The following SREBF2 variants were observed in gnomAD, a reference collection of about 807,000 sequenced individuals.
SREBF2 encodes the protein sterol regulatory element-binding protein 2.
In SREBF2, 55 loss-of-function variants were observed where a neutral mutation model predicts 113.1. That is an observed-to-expected ratio of 0.49 (90% CI 0.39 to 0.61). SREBF2 has a LOEUF of 0.61. Ranked by LOEUF, SREBF2 falls within the 20% of genes least tolerant of loss-of-function variation. The pLI, the probability that SREBF2 is intolerant of heterozygous loss-of-function variation, is 0.00. For missense variants in SREBF2, 1,349 were observed against 1,487.4 expected (o/e 0.91, Z 1.53); for synonymous variants, 593 against 605.7 (o/e 0.98, Z 0.31).
At chr22:41,900,254 A>G (rs2077453700) in intron 15 of SREBF2, 76 bp from the exon 16 acceptor site, 2 of 1,585,152 alleles carry the variant, frequency 1.3e-6, no homozygotes, top group Admixed American at 1.7e-5. Context: ...CGTGGCAGTC[A>G]CTGGCTTGGG....
intron 11 of SREBF2, chr22:41,885,964 C>T (rs2077295458): frequency 1.3e-5 from 2 of 152,212 alleles, no homozygotes; most frequent in Admixed American, 6.5e-5. Context: ...AGAAGTGATA[C>T]TTTTTATGTC....
chr22:41,901,461 G>A (rs1441932806), intron 16 of SREBF2, among the ~76,000 whole-genome samples: 1 of 152,188 alleles, frequency 6.6e-6, no homozygotes, highest in Admixed American at 6.5e-5. Flanking sequence ...AGGAGTTCGA[G>A]ACCAGCCTGA....
In SREBF2 at chr22:41,873,783, C is replaced by T. The variant is rs1045621632; in HGVS notation, c.868-15C>T. On this transcript the variant is annotated splice_polypyrimidine_tract_variant and intron_variant, in intron 4 of 18. Transcript: ENST00000361204. ...ACAAAGGGATCATTCTGCTGTGTAC[C>T]TGTCCCTATTCTAGACCCTGGTGGG... 6 of 1,589,022 alleles carry T rather than the reference C, an allele frequency of 3.8e-6. No individual in the cohort carries two copies. In the East Asian group the frequency reaches 1.1e-4, roughly 30 times the overall value.
chr22:41,834,525 C>T (rs1382963640), intron 1 of SREBF2: 1 of 152,680 alleles, frequency 6.5e-6, no homozygotes, highest in Admixed American at 6.5e-5. Context: ...TCACTACAGC[C>T]TTGCAGGCAT....
In SREBF2 at chr22:41,905,519, C is replaced by T. The variant is rs11547821; in HGVS notation, c.3285C>T (p.Phe1095=). 6.3e-7 allele frequency: 1 copy of T among 1,584,904 alleles called. No homozygotes were observed. Among genetic ancestry groups the T allele is most frequent in the African/African-American group, 1.3e-5 (1 of 74,416 alleles). The change falls in exon 19 of 19, where the codon TTC becomes TTT. Residue 1095 remains phenylalanine (F), a synonymous_variant. Coordinates refer to ENST00000361204, the MANE Select transcript of SREBF2 (RefSeq NM_004599.4). ...LLACRHLPLS[F]LSSPGQRAVL... is the part of the protein sequence containing the mutation. ...CCTGCCGCCACCTGCCCCTCTCCTT[C>T]CTCTCCTCCCCGGGCCAGCGGGCAG...
chr22:41,879,960 C>T (rs1472276287), intron 9 of SREBF2, among the ~76,000 whole-genome samples: 1 of 152,022 alleles, frequency 6.6e-6, no homozygotes, highest in East Asian at 1.9e-4. Flanking sequence ...CTGTGGCTCA[C>T]ACTGAGGTGG....
At chr22:41,849,442 G>A (rs1391581654) in intron 1 of SREBF2, among the ~76,000 whole-genome samples, 5 of 151,968 alleles carry the variant, frequency 3.3e-5, no homozygotes, top group Non-Finnish European at 4.4e-5. Context: ...TGATCCTCCC[G>A]CCTTAGCCTC....
intron 1 of SREBF2, among the ~76,000 whole-genome samples, chr22:41,859,039 C>G (rs1473353451): frequency 1.3e-5 from 2 of 150,536 alleles, no homozygotes; most frequent in Non-Finnish European, 3.0e-5. Context: ...AGGAGAAGTG[C>G]TTGAACCCAG....
At chr22:41,901,071 G>A in intron 16 of SREBF2, 1 of 462,494 alleles carries the variant, frequency 2.2e-6, no homozygotes, top group Admixed American at 2.3e-5. Context: ...GTGGGGGAGG[G>A]GATCCTGATA....
intron 10 of SREBF2, among the ~76,000 whole-genome samples, chr22:41,881,208 A>G (rs1432234728): frequency 6.6e-6 from 1 of 152,258 alleles, no homozygotes; most frequent in South Asian, 2.1e-4. Context: ...TCACAATAAC[A>G]TCACTATACT....
chr22:41,838,512 C>T (rs1366466109), intron 1 of SREBF2, among the ~76,000 whole-genome samples: 1 of 152,114 alleles, frequency 6.6e-6, no homozygotes, highest in Non-Finnish European at 1.5e-5. Flanking sequence ...GAGGGTGGAT[C>T]ACCCGAGGTC....
chr22:41,869,277 A>C (rs994905401), intron 3 of SREBF2, among the ~76,000 whole-genome samples: 14 of 143,140 alleles, frequency 9.8e-5, no homozygotes, highest in Admixed American at 8.3e-4. Context: ...GCTAATTTTT[A>C]TATTTTTAGT....
rs6002512 is a variant in SREBF2 at position 41,860,052 on chromosome 22, G to A, written c.89-6779G>A. 8.4e-3 allele frequency among the ~76,000 whole-genome samples: 1,272 copies of A among 151,754 alleles called. 21 individuals carry two copies. Among genetic ancestry groups the A allele is most frequent in the African/African-American group, 0.03 (1,240 of 41,418 alleles). On this transcript the variant is annotated intron_variant, in intron 1 of 18. Transcript: ENST00000361204. The stretch of plus-strand genomic sequence containing the variant: ...GATCTCCTGACCTCATGATCCGCCC[G>A]CCTCGGCCTCCCAAAGTGCTGGGAT...
chr22:41,870,629 A>C (rs1405376328), intron 3 of SREBF2, among the ~76,000 whole-genome samples: 1 of 31,380 alleles, frequency 3.2e-5, no homozygotes, highest in Admixed American at 4.5e-4. Context: ...CTGTCTCAGC[A>C]AAAAAAAAAA....
intron 1 of SREBF2, among the ~76,000 whole-genome samples, chr22:41,837,456 G>T (rs1047669753): frequency 4.6e-5 from 7 of 151,800 alleles, no homozygotes; most frequent in Middle Eastern, 3.4e-3. Context: ...AACCCAGGAG[G>T]CAGAGACAGG....
intron 1 of SREBF2, among the ~76,000 whole-genome samples, chr22:41,861,504 A>G (rs1004743041): frequency 3.3e-5 from 5 of 152,120 alleles, no homozygotes; most frequent in African/African-American, 1.2e-4. Flanking sequence ...TAAAAAAAAA[A>G]AAATTGACAA....
At chr22:41,849,793 T>C (rs1458164210) in intron 1 of SREBF2, among the ~76,000 whole-genome samples, 1 of 152,166 alleles carries the variant, frequency 6.6e-6, no homozygotes, top group Non-Finnish European at 1.5e-5. Context: ...GTCCATTACA[T>C]ACATGTTCAC....
chr22:41,899,393 C>A, intron 15 of SREBF2: 2 of 1,004,288 alleles, frequency 2.0e-6, no homozygotes, highest in Non-Finnish European at 2.4e-6. Context: ...GCCCTGCCTG[C>A]TGACTCCCCG....
In SREBF2 at chr22:41,866,925, TAGCAGCAGC is replaced by T. The variant is rs1569388128; in HGVS notation, c.184_192del (p.Ser62_Ser64del). The T allele has an allele frequency of 3.1e-6, 5 of 1,613,942 alleles. No homozygotes were observed. The South Asian group carries it at 3.3e-5, about 11-fold the overall frequency. ...CCTTTCCTGGCAGTGGTGGTAGTGG[TAGCAGCAGC>T]GGCAGCAGTGGCAGCAGCAGCAGCA... On this transcript the variant is annotated inframe_deletion, in exon 2 of 19. Coordinates refer to ENST00000361204, the MANE Select transcript of SREBF2 (RefSeq NM_004599.4).
Sources: gnomAD v4.1 joint callset for allele counts (sites outside exome capture counted in the v4.1 genomes callset) on GRCh38, gnomAD v4.1.1 for gene constraint, MANE v1.5 for transcripts, NCBI Gene and HGNC (gene_info 2026-07-23, HGNC 2026-07-21) for gene names.